The following SCN10A variants were observed in gnomAD, a reference collection of about 807,000 sequenced individuals.
SCN10A encodes the protein sodium voltage-gated channel alpha subunit 10.
A neutral mutation model predicts 170.7 loss-of-function variants in SCN10A; 162 were observed. That is an observed-to-expected ratio of 0.95 (90% CI 0.84 to 1.08). The LOEUF (loss-of-function observed/expected upper bound fraction) is 1.08. Ranked by LOEUF, SCN10A falls within the 50% of genes least tolerant of loss-of-function variation. The pLI is 0.00. For synonymous variants in SCN10A, 985 were observed against 904.6 expected (o/e 1.09, Z -1.59); for missense variants, 2,527 against 2,436.9 (o/e 1.04, Z -0.78).
intron 13 of SCN10A, 67 bp downstream of exon 13, chr3:38,750,006 G>T: frequency 1.2e-6 from 1 of 855,512 alleles, no homozygotes; most frequent in Non-Finnish European, 2.0e-6. Context: ...TAGAGACATT[G>T]CTTCTGCTGC....
chr3:38,698,459 G>A lies in SCN10A; in HGVS notation c.4761C>T (p.Ile1587=). Residue 1587 remains isoleucine, a synonymous_variant, in exon 28 of 28, where the codon ATC becomes ATT. Transcript: ENST00000449082. ...GTGTGCGGATCCCCTTGGCCGCTCG[G>A]ATCAGTCTGAGGATGCGGCCAATTC... ...LARIGRILRL[I]RAAKGIRTLL... The A allele has an allele frequency of 1.2e-6, 2 of 1,614,192 alleles. No individual in the cohort carries two copies. The highest frequency in any genetic ancestry group is 1.7e-6 in the Non-Finnish European group (2 of 1,180,034).
chr3:38,752,902 G>C (rs1480791571), intron 11 of SCN10A, among the ~76,000 whole-genome samples: 1 of 152,204 alleles, frequency 6.6e-6, no homozygotes, highest in Non-Finnish European at 1.5e-5. Context: ...ACCTAAGGAG[G>C]CTACTATGCA....
intron 13 of SCN10A, 38 bp from the exon 14 acceptor site, chr3:38,742,567 G>A (rs1177199875): frequency 2.0e-6 from 3 of 1,533,900 alleles, no homozygotes; most frequent in Non-Finnish European, 1.8e-6. Context: ...TGTCAGCCAT[G>A]TGTCACCTTG....
intron 16 of SCN10A, 25 bp from the exon 17 acceptor site, chr3:38,727,077 G>A (rs2063465989): frequency 6.3e-7 from 1 of 1,586,534 alleles, no homozygotes; most frequent in Non-Finnish European, 8.6e-7. Flanking sequence ...TGGAAGGGAA[G>A]ATTGATCAAT....
chr3:38,803,453 C>T (rs568501605), intron 1 of SCN10A, among the ~76,000 whole-genome samples: 195 of 152,130 alleles, frequency 1.3e-3, no homozygotes, highest in Non-Finnish European at 1.5e-3. Flanking sequence ...ATATACACCA[C>T]AGAATACTAT....
chr3:38,697,352 G>T lies in SCN10A; in HGVS notation c.5868C>A (p.Pro1956=), dbSNP rs781688312. 2 of 1,612,986 alleles carry T rather than the reference G, an allele frequency of 1.2e-6. No individual in the cohort carries two copies. Among genetic ancestry groups the T allele is most frequent in the African/African-American group, 2.7e-5 (2 of 74,840 alleles). The change falls in exon 28 of 28, where the codon CCC becomes CCA. Residue 1956 remains proline, a synonymous_variant. Coordinates refer to ENST00000449082, the MANE Select transcript of SCN10A (RefSeq NM_006514.4). ...ATSMELIAPG[P] is the part of the protein sequence containing the mutation. ...TATCCAGGCTGGAGTGTTCTCACTAGGGCCCAGGGGCAATCAGCTCCATAC... is the reference window on the plus strand; with the variant it reads ...TATCCAGGCTGGAGTGTTCTCACTATGGCCCAGGGGCAATCAGCTCCATAC...
chr3:38,778,928 A>T (rs1034892078), intron 4 of SCN10A, among the ~76,000 whole-genome samples: 1 of 152,096 alleles, frequency 6.6e-6, no homozygotes, highest in Admixed American at 6.6e-5. Context: ...CATAGTGTGC[A>T]TATAAAGGGA....
Position 38,697,453 on chromosome 3 carries a change from T to G in SCN10A, c.5767A>C (p.Ser1923Arg). The G allele has an allele frequency of 6.2e-7, 1 of 1,614,190 alleles. No homozygotes were observed. Among genetic ancestry groups the G allele is most frequent in the Non-Finnish European group, 8.5e-7 (1 of 1,180,038 alleles). ...SATSFPPSYESVTRGLSDRVN... is the reference protein window; with the variant it reads ...SATSFPPSYERVTRGLSDRVN... ...CTATCACTAAGGCCTCTAGTGACAC[T>G]CTCATAGGACGGTGGGAATGATGTG... Residue 1923 changes from serine to arginine, a missense_variant, in exon 28 of 28, where the codon AGT (serine) becomes CGT (arginine). Physicochemically the swap from Ser to Arg is moderately radical, Grantham distance 110 (BLOSUM62 -1). Transcript: ENST00000449082.
chr3:38,764,289 T>C (rs1186627213), intron 5 of SCN10A, among the ~76,000 whole-genome samples: 2 of 152,196 alleles, frequency 1.3e-5, no homozygotes, highest in African/African-American at 4.8e-5. Flanking sequence ...TCTTTAACGC[T>C]GATTTCTGAG....
In SCN10A at chr3:38,712,307, C is replaced by A. The variant is rs147640811; in HGVS notation, c.3943G>T (p.Asp1315Tyr). 1 of 1,614,166 alleles carries A rather than the reference C, an allele frequency of 6.2e-7. No individual in the cohort carries two copies. The highest frequency in any genetic ancestry group is 2.2e-5 in the East Asian group (1 of 44,888). ...GKFWRCINYTDGEFSLVPLSI... is the reference protein window; with the variant it reads ...GKFWRCINYTYGEFSLVPLSI... ...AAAGGTACAAGGGAAAACTCTCCATCGGTATAGTTGATGCACCTCCAAAAC... is the reference window on the plus strand; with the variant it reads ...AAAGGTACAAGGGAAAACTCTCCATAGGTATAGTTGATGCACCTCCAAAAC... The change falls in exon 23 of 28, where the codon GAT becomes TAT. Residue 1315 changes from aspartate (D) to tyrosine (Y), a missense_variant. Transcript: ENST00000449082.
At chr3:38,812,622 C>G (rs2064448330) in intron 1 of SCN10A, among the ~76,000 whole-genome samples, 1 of 152,112 alleles carries the variant, frequency 6.6e-6, no homozygotes, top group African/African-American at 2.4e-5. Context: ...CCTCTCCTGC[C>G]TGGAGGGAAC....
At chr3:38,721,360 CTAAT>C (rs2125996451) in intron 20 of SCN10A, among the ~76,000 whole-genome samples, 1 of 152,336 alleles carries the variant, frequency 6.6e-6, no homozygotes, top group East Asian at 1.9e-4. Flanking sequence ...AGCCCTTCAA[CTAAT>C]TACCTGAAGC....
chr3:38,715,643 T>C (rs1471183095), intron 21 of SCN10A, among the ~76,000 whole-genome samples: 1 of 152,204 alleles, frequency 6.6e-6, no homozygotes, highest in Admixed American at 6.5e-5. Context: ...CTCATTTCTA[T>C]GCCCCACATC....
chr3:38,743,704 C>T (rs2063657695), intron 13 of SCN10A, among the ~76,000 whole-genome samples: 1 of 152,184 alleles, frequency 6.6e-6, no homozygotes, highest in Non-Finnish European at 1.5e-5. Context: ...TATTTCTCCA[C>T]TTCTTTTCAC....
At chr3:38,699,774 G>A (rs1407645989) in intron 27 of SCN10A, among the ~76,000 whole-genome samples, 4 of 152,050 alleles carry the variant, frequency 2.6e-5, no homozygotes, top group African/African-American at 9.7e-5. Context: ...ATTTGCTCCA[G>A]GATCTTATTT....
chr3:38,763,325 A>G (rs984410975), intron 6 of SCN10A, among the ~76,000 whole-genome samples, 180 bp downstream of exon 6: 3 of 152,194 alleles, frequency 2.0e-5, no homozygotes, highest in African/African-American at 7.2e-5. Flanking sequence ...TCCAGGTCAC[A>G]CTGTCTCTTA....
At position 38,722,447 on chromosome 3, in the gene SCN10A, C is replaced by T. The variant is rs776429606; in HGVS notation, c.3353-35G>A. The T allele has an allele frequency of 1.9e-6, 3 of 1,605,266 alleles. No individual in the cohort carries two copies. The East Asian group carries it at 6.7e-5, about 36-fold the overall frequency. On this transcript the variant is annotated intron_variant, in intron 19 of 27. Coordinates refer to ENST00000449082, the MANE Select transcript of SCN10A (RefSeq NM_006514.4). ...GAGGTGACTGATGGTGGGTGATGGC[C>T]AGTGGGCAAAGGGGATAATTTCTGC...
chr3:38,759,203 T>C (rs1244343351), intron 8 of SCN10A, among the ~76,000 whole-genome samples: 1 of 152,118 alleles, frequency 6.6e-6, no homozygotes, highest in East Asian at 1.9e-4. Flanking sequence ...GGGGGTGTTG[T>C]GAGCTCTGCT....
At chr3:38,800,239 C>G (rs926192939) in intron 1 of SCN10A, among the ~76,000 whole-genome samples, 2 of 152,166 alleles carry the variant, frequency 1.3e-5, no homozygotes, top group African/African-American at 4.8e-5. Flanking sequence ...TTCTCTAGTA[C>G]AGTGAACTTC....
Sources: gnomAD v4.1 joint callset for allele counts (sites outside exome capture counted in the v4.1 genomes callset) on GRCh38, gnomAD v4.1.1 for gene constraint, MANE v1.5 for transcripts, NCBI Gene and HGNC (gene_info 2026-07-23, HGNC 2026-07-21) for gene names.